Variants in CUL7 observed in about 807,000 individuals in gnomAD.
The protein encoded by CUL7 is cullin-7.
CUL7 carries 96 observed loss-of-function variants against 177.7 expected under a neutral mutation model. That is an observed-to-expected ratio of 0.54 (90% CI 0.46 to 0.64). The LOEUF (loss-of-function observed/expected upper bound fraction) is 0.64. Among genes scored for constraint, CUL7 ranks in the 30% least tolerant of loss-of-function variants. CUL7 has a pLI of 0.00. For missense variants in CUL7, 1,893 were observed against 2,187.9 expected, an observed-to-expected ratio of 0.87 and a Z score of 2.69; for synonymous variants, 824 against 890.2, an observed-to-expected ratio of 0.93 and a Z score of 1.32.
In CUL7 at chr6:43,045,976, G is replaced by T. The variant is rs773480818; in HGVS notation, c.2766+10C>A. The T allele has an allele frequency of 6.2e-7, 1 of 1,604,754 alleles. No homozygotes were observed. Among genetic ancestry groups the T allele is most frequent in the African/African-American group, 1.3e-5 (1 of 74,838 alleles). On this transcript the variant is annotated intron_variant, in intron 13 of 25. Coordinates refer to ENST00000265348, the MANE Select transcript of CUL7 (RefSeq NM_014780.5). This position sits in a 1 kb window ranked among gnomAD's most constrained non-coding sequence, Gnocchi z 4.8. The stretch of plus-strand genomic sequence containing the variant: ...GGGTGGAGTAATGGCTAATGGCCCT[G>T]GGGTCCTACCGAGTTGAGTTCCGTG...
intron 10 of CUL7, 66 bp from the exon 11 acceptor site, chr6:43,046,667 C>T: frequency 1.2e-6 from 2 of 1,602,140 alleles, no homozygotes; most frequent in East Asian, 2.2e-5. Flanking sequence ...CACACGGAAA[C>T]ACGGATGAAG....
chr6:43,051,857 C>T lies in CUL7; in HGVS notation c.581-94G>A. 4.7e-6 allele frequency: 7 copies of T among 1,482,974 alleles called. No individual in the cohort carries two copies. Among genetic ancestry groups the T allele is most frequent in the South Asian group, 1.1e-5 (1 of 87,648 alleles). The allele number at this position is 1,482,974 out of a possible 1,614,324, so 91.9% of individuals were successfully genotyped here. A position where few individuals can be genotyped will look rare whatever the true frequency, so the allele number is the denominator to read the frequency against. On this transcript the variant is annotated intron_variant, in intron 2 of 25. Transcript: ENST00000265348. This position sits in a 1 kb window ranked among gnomAD's most constrained non-coding sequence, Gnocchi z 5.0. ...CTCTTTCAATCCAATCCTTTTGCCA[C>T]CACACAATGAGAAAGAACTGATTTG...
Position 43,046,871 on chromosome 6 carries a change from C to T in CUL7, c.2397+9G>A. 2 of 1,550,190 alleles carry T rather than the reference C, an allele frequency of 1.3e-6. No individual in the cohort carries two copies. The highest frequency in any genetic ancestry group is 1.8e-6 in the Non-Finnish European group (2 of 1,121,640). ...CACTCTAAGCCCACAAGCTCCCCTT[C>T]CTCCTGACCTGGATGCAGCCTCCCA... On this transcript the variant is annotated intron_variant, in intron 10 of 25. Transcript: ENST00000265348.
At position 43,048,576 on chromosome 6, in the gene CUL7, G is replaced by C; in HGVS notation, c.1826-7C>G. On this transcript the variant is annotated splice_region_variant and splice_polypyrimidine_tract_variant and intron_variant, in intron 7 of 25. Coordinates refer to ENST00000265348, the MANE Select transcript of CUL7 (RefSeq NM_014780.5). ...TGAGATGGGGGTTCTTTTGCTACAGGAAGGGGACAGTCACAGGAGTTGGCC... is the reference window on the plus strand; with the variant it reads ...TGAGATGGGGGTTCTTTTGCTACAGCAAGGGGACAGTCACAGGAGTTGGCC... 1 of 1,601,366 alleles carries C rather than the reference G, an allele frequency of 6.2e-7. No individual in the cohort carries two copies. Among genetic ancestry groups the C allele is most frequent in the Non-Finnish European group, 8.6e-7 (1 of 1,168,492 alleles).
chr6:43,050,983 AC>A lies in CUL7; in HGVS notation c.1217del (p.Gly406ValfsTer62), dbSNP rs1307937590. 6.2e-7 allele frequency: 1 copy of A among 1,614,070 alleles called. No individual in the cohort carries two copies. The highest frequency in any genetic ancestry group is 8.5e-7 in the Non-Finnish European group (1 of 1,180,008). On this transcript the variant is annotated frameshift_variant, in exon 4 of 26. Transcript: ENST00000265348. LOFTEE classifies it high-confidence loss of function. The surrounding 1 kb of genome is among the most constrained non-coding windows in gnomAD (Gnocchi z 4.1). ...DEGEFRQSNN[G>X]VPPVQVFWES... ...TGCCACTCACCTGCACAGGAGGCAC[AC>A]CGTTGTTGCTCTGCCGAAACTCGCC... is the stretch of plus-strand genomic sequence containing the variant.
chr6:43,041,323 A>G (rs1251949440), intron 19 of CUL7, among the ~76,000 whole-genome samples: 1 of 152,230 alleles, frequency 6.6e-6, no homozygotes, highest in Non-Finnish European at 1.5e-5. Flanking sequence ...AAATGAGAAA[A>G]TAAGACCAGG....
In CUL7 at chr6:43,050,848, C is replaced by A. The variant is rs1231102014; in HGVS notation, c.1233+120G>T. 1.5e-6 allele frequency: 2 copies of A among 1,302,376 alleles called. No homozygotes were observed. Among genetic ancestry groups the A allele is most frequent in the Non-Finnish European group, 2.2e-6 (2 of 926,354 alleles). 80.7% of individuals were successfully genotyped at this position (1,302,376 alleles called of 1,614,324 possible). A position where few individuals can be genotyped will look rare whatever the true frequency, so the allele number is the denominator to read the frequency against. On this transcript the variant is annotated intron_variant, in intron 4 of 25. Transcript: ENST00000265348. This position sits in a 1 kb window ranked among gnomAD's most constrained non-coding sequence, Gnocchi z 4.1. ...TCAACTACTGACTCTTTTCACCATT[C>A]CAATCTTACCTAAAGCTTTCTCTTT... is the stretch of plus-strand genomic sequence containing the variant.
chr6:43,045,578 TG>T lies in CUL7; in HGVS notation c.2862+8del. On this transcript the variant is annotated splice_region_variant and intron_variant, in intron 14 of 25. Transcript: ENST00000265348. This position sits in a 1 kb window ranked among gnomAD's most constrained non-coding sequence, Gnocchi z 4.8. ...TACCCAGGGCCACACCCCACATCCCTGGCCCCACCTGCTGGCAGCGCTTTAT... is the reference window on the plus strand; with the variant it reads ...TACCCAGGGCCACACCCCACATCCCTGCCCCACCTGCTGGCAGCGCTTTAT... 3 of 1,614,094 alleles carry T rather than the reference TG, an allele frequency of 1.9e-6. No homozygotes were observed. Among genetic ancestry groups the T allele is most frequent in the Non-Finnish European group, 2.5e-6 (3 of 1,180,018 alleles).
In CUL7 at chr6:43,040,937, T is replaced by G; in HGVS notation, c.3784A>C (p.Thr1262Pro). ...CACTGGTAATAATGCTCAAAAGTGG[T>G]GGCTATCTCCAAGCCGGAGAAAATC... ...VLIFSGLEIA[T>P]TFEHYYQHYM... Residue 1262 changes from threonine (T) to proline (P), a missense_variant, in exon 20 of 26, where the codon ACC becomes CCC. Around this residue, in one of 5 missense-constraint regions of CUL7, gnomAD observed 973 missense variants for 1,140.9 expected, o/e 0.85. Transcript: ENST00000265348. The surrounding 1 kb of genome is among the most constrained non-coding windows in gnomAD (Gnocchi z 4.2). The G allele has an allele frequency of 6.2e-7, 1 of 1,613,356 alleles. No homozygotes were observed. Among genetic ancestry groups the G allele is most frequent in the Non-Finnish European group, 8.5e-7 (1 of 1,179,688 alleles).
At position 43,052,869 on chromosome 6, in the gene CUL7, G is replaced by A. The variant is rs1334281819; in HGVS notation, c.-8-73C>T. 9 of 1,493,366 alleles carry A rather than the reference G, an allele frequency of 6.0e-6. No homozygotes were observed. The African/African-American group carries it at 6.9e-5, about 11-fold the overall frequency. 92.5% of individuals were successfully genotyped at this position (1,493,366 alleles called of 1,614,324 possible). The stretch of plus-strand genomic sequence containing the variant: ...GTCAGAAAATCAAAGATATCCAGGA[G>A]GTGGGGAAGCAAATGGCAACAGCTG... On this transcript the variant is annotated intron_variant, in intron 1 of 25. Transcript: ENST00000265348. The surrounding 1 kb of genome is among the most constrained non-coding windows in gnomAD (Gnocchi z 4.5).
At position 43,047,750 on chromosome 6, in the gene CUL7, GT is replaced by G. The variant is rs567924304; in HGVS notation, c.2169+397del. ...AAATGGAGCTATTGAAGCTCTTAATGTTTTATGTAATAATATCTCCATATCC... is the reference window on the plus strand; with the variant it reads ...AAATGGAGCTATTGAAGCTCTTAATGTTTATGTAATAATATCTCCATATCC... On this transcript the variant is annotated intron_variant, in intron 9 of 25. Transcript: ENST00000265348. Among the ~76,000 whole-genome samples the G allele has an allele frequency of 1.9e-3, 287 of 152,234 alleles. 2 individuals are homozygous for G. Among genetic ancestry groups the G allele is most frequent in the African/African-American group, 6.3e-3 (263 of 41,520 alleles).
Position 43,040,570 on chromosome 6 carries a change from T to TGA in CUL7, c.3981_3982dup (p.Gln1328LeufsTer5). On this transcript the variant is annotated frameshift_variant, in exon 21 of 26. Coordinates refer to ENST00000265348, the MANE Select transcript of CUL7 (RefSeq NM_014780.5). LOFTEE classifies it high-confidence loss of function. The surrounding 1 kb of genome is among the most constrained non-coding windows in gnomAD (Gnocchi z 4.2). The stretch of plus-strand genomic sequence containing the variant: ...TGTATCCTCCAGCTTCAGGAGTTCC[T>TGA]GATCCAGCTGCTGGAGCTGGTAGAC... 3 of 1,614,218 alleles carry TGA rather than the reference T, an allele frequency of 1.9e-6. No individual in the cohort carries two copies. The highest frequency in any genetic ancestry group is 2.5e-6 in the Non-Finnish European group (3 of 1,180,026).
intron 9 of CUL7, among the ~76,000 whole-genome samples, chr6:43,047,342 G>A (rs1764007594): frequency 6.6e-6 from 1 of 152,152 alleles, no homozygotes; most frequent in Non-Finnish European, 1.5e-5. Flanking sequence ...CTACTCTAGG[G>A]TTCTAGGCTG....
Position 43,049,647 on chromosome 6 carries a change from T to C in CUL7, c.1585A>G (p.Ile529Val), listed in dbSNP as rs202114159. The change falls in exon 7 of 26, where the codon ATC becomes GTC. Residue 529 changes from isoleucine to valine, a missense_variant. By Grantham distance (29) the Ile-to-Val change is conservative. Transcript: ENST00000265348. ...NLDGEILDDE[I>V]LAELAVPIEL... is the part of the protein sequence containing the mutation. ...ATGGGCACGGCCAGTTCAGCTAGGA[T>C]CTCATCATCCAGAATCTGCCATCAA... The C allele has an allele frequency of 9.9e-6, 16 of 1,613,974 alleles. No homozygotes were observed. The Admixed American group carries it at 2.7e-4, about 27-fold the overall frequency.
At position 43,037,814 on chromosome 6, in the gene CUL7, A is replaced by G; in HGVS notation, c.4971T>C (p.Thr1657=). 6.2e-7 allele frequency: 1 copy of G among 1,610,450 alleles called. No individual in the cohort carries two copies. Among genetic ancestry groups the G allele is most frequent in the African/African-American group, 1.3e-5 (1 of 74,982 alleles). ...CTGAGGAGCCTGGGTTCAGGGACTC[A>G]GTGTGAGGCTCCATGACAGTCACAG... is the stretch of plus-strand genomic sequence containing the variant. ...AVPVTVMEPH[T]ESLNPGSSGP... Residue 1657 remains threonine, a synonymous_variant, in exon 26 of 26, where the codon ACT becomes ACC. Transcript: ENST00000265348.
At chr6:43,039,619 C>T (rs749748156) in intron 22 of CUL7, among the ~76,000 whole-genome samples, 10 of 152,112 alleles carry the variant, frequency 6.6e-5, no homozygotes, top group Non-Finnish European at 1.0e-4. Context: ...AAGCTCCTGC[C>T]CTTTGTTCTC....
At position 43,038,566 on chromosome 6, in the gene CUL7, C is replaced by T; in HGVS notation, c.4567G>A (p.Gly1523Arg). 1.2e-6 allele frequency: 2 copies of T among 1,614,138 alleles called. No homozygotes were observed. Among genetic ancestry groups the T allele is most frequent in the Non-Finnish European group, 8.5e-7 (1 of 1,180,016 alleles). Reference protein sequence around the residue: ...DLHEQKDIPGGVLKIRDGSKE... With the variant: ...DLHEQKDIPGRVLKIRDGSKE... ...GGCCCCTCTGGCCCTAAGTGCATAC[C>T]TCCTGGTATATCCTTTTGCTCGTGA... Residue 1523 changes from glycine to arginine, a missense_variant and splice_region_variant, in exon 24 of 26, where the codon GGG becomes AGG. Physicochemically the swap from Gly to Arg is moderately radical, Grantham distance 125. Coordinates refer to ENST00000265348, the MANE Select transcript of CUL7 (RefSeq NM_014780.5).
In CUL7 at chr6:43,046,930, C is replaced by T. The variant is rs1183462404; in HGVS notation, c.2347G>A (p.Ala783Thr). The T allele has an allele frequency of 6.2e-7, 1 of 1,613,424 alleles. No homozygotes were observed. The highest frequency in any genetic ancestry group is 1.7e-5 in the Admixed American group (1 of 60,012). The stretch of plus-strand genomic sequence containing the variant: ...GTGATGAGTTTGCGGTAGAGGTGGG[C>T]ATGCTTCTCACACTTGAACACCATG... The part of the protein sequence containing the change: ...RDMVFKCEKH[A>T]HLYRKLITNI... The change falls in exon 10 of 26, where the codon GCC becomes ACC. Residue 783 changes from alanine (A) to threonine (T), a missense_variant. Transcript: ENST00000265348.
In CUL7 at chr6:43,048,259, G is replaced by T. The variant is rs1156377253; in HGVS notation, c.2064-6C>A. On this transcript the variant is annotated splice_region_variant and splice_polypyrimidine_tract_variant and intron_variant, in intron 8 of 25. Transcript: ENST00000265348. ...CCACCAGCTGCTTCAGGATTCTGGG[G>T]GCAGAGAAATGTGTAGCCAGCCTCA... The T allele has an allele frequency of 1.2e-6, 2 of 1,611,240 alleles. No homozygotes were observed. Among genetic ancestry groups the T allele is most frequent in the African/African-American group, 1.3e-5 (1 of 74,980 alleles).
Sources: gnomAD v4.1 joint callset for allele counts (sites outside exome capture counted in the v4.1 genomes callset) on GRCh38, gnomAD v4.1.1 for gene constraint, gnomAD v4.1.1 regional missense constraint, Gnocchi (gnomAD v3.1) non-coding constraint, MANE v1.5 for transcripts, NCBI Gene and HGNC (gene_info 2026-07-23, HGNC 2026-07-21) for gene names.